Variants in MRTFA observed in about 807,000 individuals in gnomAD.
The protein encoded by MRTFA is myocardin related transcription factor A.
Under a neutral mutation model 83.5 loss-of-function variants are expected in MRTFA, and 20 were observed. The observed-to-expected ratio is 0.24, with a 90% confidence interval of 0.17 to 0.35. MRTFA has a LOEUF of 0.35. MRTFA is among the 10% of genes least tolerant of loss of function. MRTFA has a pLI of 1.00. For synonymous variants in MRTFA, 659 were observed against 541.2 expected, an observed-to-expected ratio of 1.22 and a Z score of -3.02; for missense variants, 1,200 against 1,224.7, an observed-to-expected ratio of 0.98 and a Z score of 0.30.
intron 1 of MRTFA, among the ~76,000 whole-genome samples, chr22:40,614,102 T>C (rs1241202247): frequency 6.6e-6 from 1 of 151,716 alleles, no homozygotes; most frequent in Non-Finnish European, 1.5e-5. Flanking sequence ...CTCGGGAGGC[T>C]GAGGCAGGAG....
chr22:40,459,830 C>CATATATATAT (rs55885079), intron 4 of MRTFA, among the ~76,000 whole-genome samples: 3,299 of 86,500 alleles, frequency 0.038, 147 homozygotes, highest in South Asian at 0.052. Flanking sequence ...CACATATATA[C>CATATATATAT]ATATATATAT....
At chr22:40,497,665 A>C (rs2147214228) in intron 3 of MRTFA, among the ~76,000 whole-genome samples, 1 of 152,236 alleles carries the variant, frequency 6.6e-6, no homozygotes, top group South Asian at 2.1e-4. Context: ...AGTCAGGAGA[A>C]TCGCTTGAAC....
At chr22:40,524,123 G>C (rs2054919198) in intron 3 of MRTFA, among the ~76,000 whole-genome samples, 1 of 152,044 alleles carries the variant, frequency 6.6e-6, no homozygotes. Flanking sequence ...GTGAAAACCT[G>C]TCTCTCATTA....
chr22:40,633,017 A>G (rs1181217101), intron 1 of MRTFA, among the ~76,000 whole-genome samples: 2 of 152,060 alleles, frequency 1.3e-5, no homozygotes, highest in Non-Finnish European at 2.9e-5. Flanking sequence ...CTCTTTGTTC[A>G]ATGTCCCCCT....
chr22:40,450,881 G>T (rs965997679), intron 4 of MRTFA, among the ~76,000 whole-genome samples: 3 of 152,186 alleles, frequency 2.0e-5, no homozygotes, highest in African/African-American at 7.2e-5. Flanking sequence ...TTAGCACAGG[G>T]TTTGTAGCCA....
intron 2 of MRTFA, among the ~76,000 whole-genome samples, chr22:40,561,210 GTC>G (rs1220833945): frequency 3.0e-5 from 4 of 131,278 alleles, no homozygotes; most frequent in East Asian, 6.2e-4. Flanking sequence ...GTGTGTGTGT[GTC>G]TGTGTGTGTG....
intron 4 of MRTFA, among the ~76,000 whole-genome samples, chr22:40,459,812 CACACACACACAT>C (rs2053666541): frequency 6.2e-5 from 7 of 112,286 alleles, no homozygotes; most frequent in African/African-American, 2.6e-4. Context: ...CACACACACA[CACACACACACAT>C]ATATACATAT....
chr22:40,634,759 A>T (rs1366727668), intron 1 of MRTFA, among the ~76,000 whole-genome samples: 1 of 152,198 alleles, frequency 6.6e-6, no homozygotes, highest in Non-Finnish European at 1.5e-5. Context: ...GGGTGACCCA[A>T]ACTTTATGGT....
intron 3 of MRTFA, among the ~76,000 whole-genome samples, chr22:40,504,563 T>C (rs2054549531): frequency 6.6e-6 from 1 of 152,228 alleles, no homozygotes; most frequent in Non-Finnish European, 1.5e-5. Context: ...CTAATTCTAA[T>C]ATTTTTATGA....
At chr22:40,464,379 A>T (rs2053778408) in intron 3 of MRTFA, among the ~76,000 whole-genome samples, 1 of 151,688 alleles carries the variant, frequency 6.6e-6, no homozygotes, top group Non-Finnish European at 1.5e-5. Flanking sequence ...CGGTGTTACA[A>T]CTACAAACTA....
chr22:40,506,622 T>C (rs1011494929), intron 3 of MRTFA, among the ~76,000 whole-genome samples: 3 of 152,232 alleles, frequency 2.0e-5, no homozygotes, highest in Non-Finnish European at 4.4e-5. Context: ...TCCAACCTAC[T>C]TGTTAAGAAT....
chr22:40,554,992 T>G (rs2055499163), intron 2 of MRTFA, among the ~76,000 whole-genome samples: 2 of 152,380 alleles, frequency 1.3e-5, no homozygotes, highest in East Asian at 3.9e-4. Flanking sequence ...GCATGGGGCC[T>G]GTAGCCCCTT....
intron 14 of MRTFA, chr22:40,414,936 C>CCG (rs1555958916): frequency 2.0e-5 from 3 of 152,034 alleles, no homozygotes; most frequent in South Asian, 4.1e-4. Flanking sequence ...GGGTTCTGGC[C>CCG]CCCCCTGTCC....
chr22:40,412,134 T>A, intron 14 of MRTFA: 1 of 383,532 alleles, frequency 2.6e-6, no homozygotes, highest in Non-Finnish European at 4.5e-6. Flanking sequence ...CTTCTAAAAC[T>A]CAACAACAAA....
chr22:40,429,492 G>T, intron 7 of MRTFA, 114 bp downstream of exon 7: 2 of 1,243,240 alleles, frequency 1.6e-6, no homozygotes, highest in Non-Finnish European at 2.3e-6. Flanking sequence ...AGGCTAAGCA[G>T]GAAGTCAAAG....
At chr22:40,511,489 T>C (rs185378526) in intron 3 of MRTFA, among the ~76,000 whole-genome samples, 1 of 152,214 alleles carries the variant, frequency 6.6e-6, no homozygotes, top group Middle Eastern at 3.2e-3. Flanking sequence ...TATACACGTA[T>C]CACATGTGAA....
At chr22:40,428,895 C>T (rs1465800362) in intron 7 of MRTFA, among the ~76,000 whole-genome samples, 1 of 152,164 alleles carries the variant, frequency 6.6e-6, no homozygotes, top group Non-Finnish European at 1.5e-5. Context: ...TCTCCTCCCT[C>T]GTCCCACCCT....
chr22:40,519,465 A>G lies in MRTFA; in HGVS notation c.241+32641T>C, dbSNP rs1052523133. On this transcript the variant is annotated intron_variant, in intron 3 of 14. Transcript: ENST00000355630. Reference sequence around the variant, plus strand: ...CGATGTTGTTTTAGCGTTACCTACCAGTGCTGCCCTCTCTTCTCATGCTTG... The same window carrying G: ...CGATGTTGTTTTAGCGTTACCTACCGGTGCTGCCCTCTCTTCTCATGCTTG... 6 of 1,339,284 alleles carry G rather than the reference A, an allele frequency of 4.5e-6. No individual in the cohort carries two copies. The African/African-American group carries it at 6.0e-5, about 13-fold the overall frequency. The allele number at this position is 1,339,284 out of a possible 1,614,324, so 83.0% of individuals were successfully genotyped here.
intron 4 of MRTFA, among the ~76,000 whole-genome samples, chr22:40,454,404 C>G (rs2147134672): frequency 6.6e-6 from 1 of 152,332 alleles, no homozygotes; most frequent in South Asian, 2.1e-4. Context: ...GCATGAGCCA[C>G]TACACCCAGC....
Sources: gnomAD v4.1 joint callset for allele counts (sites outside exome capture counted in the v4.1 genomes callset) on GRCh38, gnomAD v4.1.1 for gene constraint, MANE v1.5 for transcripts, NCBI Gene and HGNC (gene_info 2026-07-23, HGNC 2026-07-21) for gene names.